The following MRPS9 variants were observed in gnomAD, a reference collection of about 807,000 sequenced individuals.
MRPS9 encodes the protein small ribosomal subunit protein uS9m.
MRPS9 carries 45 observed loss-of-function variants against 59.9 expected under a neutral mutation model. That is an observed-to-expected ratio of 0.75 (90% CI 0.59 to 0.96). MRPS9 has a LOEUF of 0.96. Ranked by LOEUF, MRPS9 falls within the 40% of genes least tolerant of loss-of-function variation. The probability of loss-of-function intolerance (pLI) is 0.00; values close to 1 mark genes in which losing one functional copy is unlikely to be tolerated. For synonymous variants in MRPS9, 171 were observed against 166.8 expected (o/e 1.03, Z -0.19); for missense variants, 473 against 481.1 (o/e 0.98, Z 0.16).
intron 4 of MRPS9, among the ~76,000 whole-genome samples, chr2:105,073,810 T>C (rs563346629): frequency 6.6e-6 from 1 of 152,330 alleles, no homozygotes; most frequent in African/African-American, 2.4e-5. Context: ...TTGAGTAGAT[T>C]TGATGACCAC....
At chr2:105,039,646 C>A (rs1317922069) in intron 1 of MRPS9, among the ~76,000 whole-genome samples, 1 of 152,116 alleles carries the variant, frequency 6.6e-6, no homozygotes, top group Admixed American at 6.5e-5. Context: ...AAGTAGAAAT[C>A]CTTCAGGGTC....
intron 7 of MRPS9, among the ~76,000 whole-genome samples, chr2:105,091,124 G>A (rs775720027): frequency 6.6e-5 from 10 of 151,630 alleles, no homozygotes; most frequent in Non-Finnish European, 1.5e-4. Flanking sequence ...AATATCCCAC[G>A]GACTTTAATA....
At chr2:105,044,693 A>G (rs2104438325) in intron 1 of MRPS9, among the ~76,000 whole-genome samples, 1 of 152,332 alleles carries the variant, frequency 6.6e-6, no homozygotes, top group Admixed American at 6.5e-5. Flanking sequence ...GACTATAGGC[A>G]GACACAATTT....
At chr2:105,078,564 AAG>A (rs1680262026) in intron 4 of MRPS9, among the ~76,000 whole-genome samples, 1 of 152,174 alleles carries the variant, frequency 6.6e-6, no homozygotes, top group Non-Finnish European at 1.5e-5. Flanking sequence ...GATTTTGGAA[AAG>A]TGCTGAAATC....
At chr2:105,074,624 T>C (rs926348181) in intron 4 of MRPS9, among the ~76,000 whole-genome samples, 2 of 152,140 alleles carry the variant, frequency 1.3e-5, no homozygotes, top group Non-Finnish European at 2.9e-5. Flanking sequence ...ATGTAGGAAT[T>C]AAAAGCACAT....
At chr2:105,087,518 T>C (rs1386678641) in intron 5 of MRPS9, among the ~76,000 whole-genome samples, 1 of 152,152 alleles carries the variant, frequency 6.6e-6, no homozygotes, top group Non-Finnish European at 1.5e-5. Context: ...CTACTGGTAA[T>C]GTCTAGCTCA....
chr2:105,080,539 T>A (rs1427217425), intron 5 of MRPS9, among the ~76,000 whole-genome samples: 1 of 152,170 alleles, frequency 6.6e-6, no homozygotes, highest in Non-Finnish European at 1.5e-5. Context: ...CCTAAGAAAT[T>A]ATTTTATTAC....
chr2:105,075,364 T>C (rs1357157433), intron 4 of MRPS9, among the ~76,000 whole-genome samples: 1 of 152,000 alleles, frequency 6.6e-6, no homozygotes, highest in Non-Finnish European at 1.5e-5. Flanking sequence ...TAGAACCTGG[T>C]ACCTGTCTGT....
At chr2:105,080,835 T>TTATC (rs1439610848) in intron 5 of MRPS9, among the ~76,000 whole-genome samples, 4 of 152,194 alleles carry the variant, frequency 2.6e-5, no homozygotes, top group Non-Finnish European at 5.9e-5. Flanking sequence ...CTTTTTAGAA[T>TTATC]TATCTGCTGT....
chr2:105,038,420 T>G (rs1025733572), intron 1 of MRPS9, 193 bp downstream of exon 1: 2 of 689,820 alleles, frequency 2.9e-6, no homozygotes, highest in Non-Finnish European at 4.7e-6. Context: ...GGTTGTTACT[T>G]GTTTTTTTGC....
At chr2:105,073,250 A>G (rs1457020213) in intron 4 of MRPS9, among the ~76,000 whole-genome samples, 1 of 152,136 alleles carries the variant, frequency 6.6e-6, no homozygotes, top group East Asian at 1.9e-4. Context: ...CTTTCAAATC[A>G]TACCAGCTTC....
chr2:105,038,339 C>T, intron 1 of MRPS9, 112 bp downstream of exon 1: 3 of 1,404,326 alleles, frequency 2.1e-6, no homozygotes, highest in Non-Finnish European at 2.9e-6. Context: ...ACTCTAGGAT[C>T]TTAGGTATTT....
rs1358763001 is a variant in MRPS9 at position 105,099,927 on chromosome 2, AAAAAT to A, written c.*171_*175del. ...TGCTACTTTGTAAAGGTGACCTTTA[AAAAAT>A]AAAAGGAAAATAAAGAATGTTAGTT... On this transcript the variant is annotated 3_prime_UTR_variant, in exon 11 of 11. Coordinates refer to ENST00000258455, the MANE Select transcript of MRPS9 (RefSeq NM_182640.3). 4.0e-6 allele frequency: 2 copies of A among 499,308 alleles called. No individual in the cohort carries two copies. The highest frequency in any genetic ancestry group is 7.0e-6 in the Non-Finnish European group (2 of 284,472). The allele number at this position is 499,308 out of a possible 1,614,324, so 30.9% of individuals were successfully genotyped here.
rs184327210 is a variant in MRPS9 at position 105,081,651 on chromosome 2, A to G, written c.489+1589A>G. ...TCTAAGTTTGTTTTTATGTTTTAAA[A>G]GGTATTGTTCAAGAAACTGATCAGT... On this transcript the variant is annotated intron_variant, in intron 5 of 10. Transcript: ENST00000258455. Among the ~76,000 whole-genome samples, 6 of 152,328 alleles carry G rather than the reference A, an allele frequency of 3.9e-5. No individual in the cohort carries two copies. In the East Asian group the frequency reaches 9.7e-4, roughly 25 times the overall value.
chr2:105,076,442 T>C (rs1680213834), intron 4 of MRPS9, among the ~76,000 whole-genome samples: 1 of 152,198 alleles, frequency 6.6e-6, no homozygotes, highest in African/African-American at 2.4e-5. Flanking sequence ...AGAACTGTTT[T>C]AAAAACGCTG....
intron 2 of MRPS9, among the ~76,000 whole-genome samples, chr2:105,052,318 T>C (rs1177734039): frequency 6.6e-6 from 1 of 152,208 alleles, no homozygotes; most frequent in Non-Finnish European, 1.5e-5. Flanking sequence ...TGAACTTTTT[T>C]GTTGTTGTGG....
At chr2:105,076,673 A>G (rs937091237) in intron 4 of MRPS9, among the ~76,000 whole-genome samples, 3 of 152,238 alleles carry the variant, frequency 2.0e-5, no homozygotes, top group African/African-American at 7.2e-5. Flanking sequence ...GTTGAAGAAT[A>G]TACATACAGC....
At chr2:105,039,518 C>G (rs192451264) in intron 1 of MRPS9, among the ~76,000 whole-genome samples, 6 of 152,076 alleles carry the variant, frequency 3.9e-5, no homozygotes, top group Admixed American at 3.9e-4. Flanking sequence ...TATGTTTTTT[C>G]CATGTTCTTA....
At chr2:105,065,316 TA>T (rs1222900365) in intron 2 of MRPS9, among the ~76,000 whole-genome samples, 6 of 152,230 alleles carry the variant, frequency 3.9e-5, no homozygotes, top group Admixed American at 2.6e-4. Flanking sequence ...ATTATGAAAT[TA>T]AATTTCAGAA....
Sources: allele counts gnomAD v4.1 joint callset (sites outside exome capture counted in the v4.1 genomes callset), GRCh38; gene constraint gnomAD v4.1.1; transcripts MANE v1.5; gene names NCBI Gene and HGNC (gene_info 2026-07-23, HGNC 2026-07-21).